Variants in PCSK5 observed in about 807,000 individuals in gnomAD.
The protein encoded by PCSK5 is proprotein convertase subtilisin/kexin type 5, also known as prohormone convertase 5.
PCSK5 carries 129 observed loss-of-function variants against 233.2 expected under a neutral mutation model. The ratio of observed to expected loss-of-function variants is 0.55; its 90% CI spans 0.48 to 0.64. The LOEUF is 0.64. Among genes scored for constraint, PCSK5 ranks in the 30% least tolerant of loss-of-function variants. The pLI is 0.00. For missense variants in PCSK5, 2,076 were observed against 2,430.1 expected, an observed-to-expected ratio of 0.85 and a Z score of 3.06; for synonymous variants, 825 against 879.2, an observed-to-expected ratio of 0.94 and a Z score of 1.09.
intron 7 of PCSK5, among the ~76,000 whole-genome samples, chr9:76,081,140 A>G (rs1830819145): frequency 6.6e-6 from 1 of 152,158 alleles, no homozygotes; most frequent in Admixed American, 6.5e-5. Context: ...CACTTATTAT[A>G]TGCTCCTTTT....
At chr9:75,976,810 A>G (rs535925621) in intron 2 of PCSK5, among the ~76,000 whole-genome samples, 7 of 152,142 alleles carry the variant, frequency 4.6e-5, no homozygotes, top group Middle Eastern at 3.4e-3. Flanking sequence ...AATCATATTT[A>G]ATATTTAAAT....
At chr9:76,130,622 G>A (rs1248900698) in intron 9 of PCSK5, among the ~76,000 whole-genome samples, 3 of 152,134 alleles carry the variant, frequency 2.0e-5, no homozygotes, top group Admixed American at 2.0e-4. Flanking sequence ...ACTAGATGTT[G>A]GTTATTACTA....
Position 76,092,071 on chromosome 9 carries a change from C to T in PCSK5, c.895-3819C>T, listed in dbSNP as rs113677578. On this transcript the variant is annotated intron_variant, in intron 7 of 37. Coordinates refer to ENST00000674117, the MANE Select transcript of PCSK5 (RefSeq NM_001372043.1). ...ATGAGTGCTACTGGAATAGAATGAC[C>T]TGTGTTCATACTTCTGAGGGAGTCC... Among the ~76,000 whole-genome samples the T allele has an allele frequency of 5.3e-3, 801 of 152,136 alleles. 10 individuals are homozygous for T. The highest frequency in any genetic ancestry group is 0.019 in the African/African-American group (772 of 41,514).
chr9:76,128,947 A>G (rs6560501), intron 9 of PCSK5, among the ~76,000 whole-genome samples: 73,936 of 152,046 alleles, frequency 0.49, 18,251 homozygotes, highest in Admixed American at 0.52. Flanking sequence ...CCCCAGTGGC[A>G]GATACTCCTG....
At position 76,086,860 on chromosome 9, in the gene PCSK5, C is replaced by T. The variant is rs563119077; in HGVS notation, c.895-9030C>T. 3.3e-5 allele frequency among the ~76,000 whole-genome samples: 5 copies of T among 152,254 alleles called. No homozygotes were observed. In the South Asian group the frequency reaches 8.3e-4, roughly 25 times the overall value. On this transcript the variant is annotated intron_variant, in intron 7 of 37. Transcript: ENST00000674117. ...TGAAGCTTTTATGTGTCCAACTTTA[C>T]ATAATATCCATAGGACATTATTCAG...
chr9:76,342,292 C>T (rs979492578), intron 35 of PCSK5, among the ~76,000 whole-genome samples: 3 of 152,090 alleles, frequency 2.0e-5, no homozygotes, highest in African/African-American at 4.8e-5. Flanking sequence ...CTCTACTAAT[C>T]CAAATGCCTG....
chr9:75,907,430 G>T lies in PCSK5; in HGVS notation c.192+16057G>T, dbSNP rs116929815. 7.3e-3 allele frequency among the ~76,000 whole-genome samples: 1,108 copies of T among 152,316 alleles called. 11 individuals are homozygous for T. Among genetic ancestry groups the T allele is most frequent in the Admixed American group, 0.017 (267 of 15,304 alleles). On this transcript the variant is annotated intron_variant, in intron 1 of 37. Coordinates refer to ENST00000674117, the MANE Select transcript of PCSK5 (RefSeq NM_001372043.1). Reference sequence around the variant, plus strand: ...CTATAAAGGGGTATGGTAAAAAGCAGTGTTCTAGGATTGATGAGTCATTTG... The same window carrying T: ...CTATAAAGGGGTATGGTAAAAAGCATTGTTCTAGGATTGATGAGTCATTTG...
chr9:75,959,227 T>G (rs997677993), intron 2 of PCSK5, among the ~76,000 whole-genome samples: 2 of 152,168 alleles, frequency 1.3e-5, no homozygotes, highest in East Asian at 3.8e-4. Context: ...GACAAAAACA[T>G]TGAAGTGGCT....
intron 5 of PCSK5, among the ~76,000 whole-genome samples, chr9:76,038,923 C>G (rs1421027232): frequency 6.6e-6 from 1 of 152,130 alleles, no homozygotes; most frequent in Non-Finnish European, 1.5e-5. Context: ...ATTGTTCAAC[C>G]AACCTTCCTG....
intron 2 of PCSK5, among the ~76,000 whole-genome samples, chr9:75,954,335 G>A (rs13297074): frequency 0.13 from 19,519 of 151,994 alleles, 1,358 homozygotes; most frequent in Non-Finnish European, 0.16. Flanking sequence ...GTAAACCTTC[G>A]TGGTGCTAAT....
chr9:75,973,132 C>G (rs1825873765), intron 2 of PCSK5, among the ~76,000 whole-genome samples: 1 of 152,042 alleles, frequency 6.6e-6, no homozygotes, highest in South Asian at 2.1e-4. Context: ...ATTAAGGAAA[C>G]AATGGGTAGA....
chr9:75,999,405 C>T (rs763532874), intron 3 of PCSK5, among the ~76,000 whole-genome samples: 7 of 152,132 alleles, frequency 4.6e-5, no homozygotes, highest in Admixed American at 2.0e-4. Context: ...AGCTGAGCCC[C>T]GAACAGAGAT....
chr9:76,151,893 G>A (rs760863458), intron 10 of PCSK5, among the ~76,000 whole-genome samples: 10 of 152,114 alleles, frequency 6.6e-5, no homozygotes, highest in Non-Finnish European at 1.0e-4. Flanking sequence ...GTTGCATTTG[G>A]ATCTCACTGT....
rs970356720 is a variant in PCSK5 at position 76,158,832 on chromosome 9, G to T, written c.1431-151G>T. On this transcript the variant is annotated intron_variant, in intron 11 of 37. Coordinates refer to ENST00000674117, the MANE Select transcript of PCSK5 (RefSeq NM_001372043.1). ...TTCCCACTAACTGGTAATCCTTTCA[G>T]TGACCCAGTTATTTTGGTGATAGCA... 4.6e-6 allele frequency: 3 copies of T among 647,224 alleles called. No individual in the cohort carries two copies. In the African/African-American group the frequency reaches 5.4e-5, roughly 12 times the overall value. The allele number at this position is 647,224 out of a possible 1,614,324, so 40.1% of individuals were successfully genotyped here.
At chr9:75,937,579 A>T (rs1472547546) in intron 2 of PCSK5, among the ~76,000 whole-genome samples, 1 of 152,198 alleles carries the variant, frequency 6.6e-6, no homozygotes, top group Admixed American at 6.5e-5. Flanking sequence ...CCCTAACACG[A>T]GAGGTATCCT....
At chr9:76,328,975 ATT>A (rs59466685) in intron 33 of PCSK5, among the ~76,000 whole-genome samples, 4 of 123,686 alleles carry the variant, frequency 3.2e-5, no homozygotes, top group Non-Finnish European at 1.6e-5. Context: ...CTCCCGGCTA[ATT>A]TTTTTTTTTT....
rs1288027695 is a variant in PCSK5, at chr9:76,179,682, C to T, written c.1987C>T (p.Leu663=). Residue 663 remains leucine (L), a synonymous_variant, in exon 15 of 38, where the codon CTG becomes TTG. Transcript: ENST00000674117. ...CNDCLHYYYK[L]KNNTRICVSS... ...TGACTGTTTGCACTACTACTACAAG[C>T]TGAAAAACAATACCAGGTAAGAGAG... 1.2e-6 allele frequency: 2 copies of T among 1,611,716 alleles called. No individual in the cohort carries two copies. The highest frequency in any genetic ancestry group is 2.2e-5 in the South Asian group (2 of 91,048).
At chr9:76,011,421 A>G (rs887524199) in intron 3 of PCSK5, among the ~76,000 whole-genome samples, 15 of 152,236 alleles carry the variant, frequency 9.9e-5, no homozygotes, top group African/African-American at 3.6e-4. Context: ...TCAAGTGGAC[A>G]ATAAAAGCAA....
chr9:75,893,990 C>T (rs759564765), intron 1 of PCSK5, among the ~76,000 whole-genome samples: 1 of 152,164 alleles, frequency 6.6e-6, no homozygotes, highest in Non-Finnish European at 1.5e-5. Flanking sequence ...CTGCTCTGAC[C>T]TTTCAACACT....
Sources: allele counts gnomAD v4.1 joint callset (sites outside exome capture counted in the v4.1 genomes callset), GRCh38; gene constraint gnomAD v4.1.1; transcripts MANE v1.5; gene names NCBI Gene and HGNC (gene_info 2026-07-23, HGNC 2026-07-21).